PDE1A: variants seen among roughly 807,000 people sequenced by gnomAD.
PDE1A encodes dual specificity calcium/calmodulin-dependent 3',5'-cyclic nucleotide phosphodiesterase 1A.
Under a neutral mutation model 61.7 loss-of-function variants are expected in PDE1A, and 35 were observed. The observed-to-expected ratio is 0.57, with a 90% CI of 0.43 to 0.75. PDE1A has a LOEUF of 0.75. Among genes scored for constraint, PDE1A ranks in the 30% least tolerant of loss-of-function variants. The probability of loss-of-function intolerance (pLI) is 0.00; values close to 1 mark genes in which losing one functional copy is unlikely to be tolerated. For synonymous variants in PDE1A, 232 were observed against 213.2 expected (o/e 1.09, Z -0.77); for missense variants, 597 against 630.6 (o/e 0.95, Z 0.57).
downstream of PDE1A, among the ~76,000 whole-genome samples, chr2:182,163,083 C>G (rs1691474606): frequency 6.6e-6 from 1 of 152,088 alleles, no homozygotes; most frequent in African/African-American, 2.4e-5. Context: ...TCACCATGTC[C>G]CCATTCAACT....
chr2:182,483,791 T>C (rs963621963), intron 2 of PDE1A, among the ~76,000 whole-genome samples: 11 of 151,972 alleles, frequency 7.2e-5, no homozygotes, highest in African/African-American at 2.4e-4. Flanking sequence ...ATCAATTACA[T>C]AGATAACATA....
intron 2 of PDE1A, among the ~76,000 whole-genome samples, chr2:182,470,667 T>A (rs748068137): frequency 6.6e-6 from 1 of 151,836 alleles, no homozygotes; most frequent in South Asian, 2.1e-4. Flanking sequence ...TTTCTGTACA[T>A]TGAGATCTTA....
chr2:182,264,352 T>C, exon 2 of PDE1A: 1 of 1,613,782 alleles, frequency 6.2e-7, no homozygotes, highest in Non-Finnish European at 8.5e-7. Flanking sequence ...ATATTCAATA[T>C]TCTTCTTTAA....
At chr2:182,671,292 C>T in the PDE1A span, among the ~76,000 whole-genome samples, 2 of 147,784 alleles carry the variant, frequency 1.4e-5, no homozygotes, top group Non-Finnish European at 3.0e-5. Flanking sequence ...CTGCCTCAGC[C>T]TCCCGAGTAG....
At chr2:182,653,245 G>C in the PDE1A span, among the ~76,000 whole-genome samples, 1 of 152,120 alleles carries the variant, frequency 6.6e-6, no homozygotes, top group East Asian at 1.9e-4. Context: ...ATCCTGAGGT[G>C]GACCTCAGGA....
At chr2:182,527,597 C>G (rs1690797878), upstream of PDE1A, among the ~76,000 whole-genome samples, 1 of 151,014 alleles carries the variant, frequency 6.6e-6, no homozygotes, top group East Asian at 1.9e-4. Flanking sequence ...AGAAATTGCC[C>G]AAAATGTACA....
At chr2:182,468,132 T>C (rs1353231182) in intron 2 of PDE1A, among the ~76,000 whole-genome samples, 1 of 151,918 alleles carries the variant, frequency 6.6e-6, no homozygotes, top group Non-Finnish European at 1.5e-5. Flanking sequence ...GTTGTGGCAA[T>C]TTCATAAAAT....
chr2:182,571,176 T>G, the PDE1A span, among the ~76,000 whole-genome samples: 8 of 152,192 alleles, frequency 5.3e-5, no homozygotes, highest in African/African-American at 1.9e-4. Flanking sequence ...AGAAGAATGG[T>G]AAGAGCTATT....
At chr2:182,370,406 T>A (rs1341395746) in intron 1 of PDE1A, among the ~76,000 whole-genome samples, 4 of 152,134 alleles carry the variant, frequency 2.6e-5, no homozygotes. Context: ...TGTAAAGATT[T>A]CAGACAGTTG....
chr2:182,635,947 A>ATTTTTTT, the PDE1A span, among the ~76,000 whole-genome samples: 1 of 55,272 alleles, frequency 1.8e-5, no homozygotes, highest in African/African-American at 6.8e-5. Context: ...TCTCACCGGT[A>ATTTTTTT]TTTTTTTTTT....
intron 1 of PDE1A, among the ~76,000 whole-genome samples, chr2:182,381,982 A>C (rs1460055407): frequency 1.3e-5 from 2 of 152,014 alleles, no homozygotes; most frequent in Admixed American, 1.3e-4. Context: ...CATTTCTGTA[A>C]CAATTATTAT....
At chr2:182,450,619 T>G (rs990072563) in intron 2 of PDE1A, among the ~76,000 whole-genome samples, 3 of 151,908 alleles carry the variant, frequency 2.0e-5, no homozygotes, top group African/African-American at 7.2e-5. Flanking sequence ...AAATAAAGAC[T>G]GGTTAAGATC....
intron 2 of PDE1A, among the ~76,000 whole-genome samples, chr2:182,521,139 C>T (rs1198336392): frequency 6.6e-6 from 1 of 151,860 alleles, no homozygotes. Flanking sequence ...TTTAAATACA[C>T]AAACATCATT....
the PDE1A span, among the ~76,000 whole-genome samples, chr2:182,649,973 G>A: frequency 1.3e-5 from 2 of 152,066 alleles, no homozygotes; most frequent in Non-Finnish European, 2.9e-5. Context: ...CAGCTACTCG[G>A]AAGGTTGAGA....
intron 1 of PDE1A, among the ~76,000 whole-genome samples, chr2:182,379,317 TCTCA>T (rs1211242947): frequency 6.6e-6 from 1 of 152,254 alleles, no homozygotes; most frequent in African/African-American, 2.4e-5. Flanking sequence ...TGCAATTCCT[TCTCA>T]CTCTCTCTTC....
chr2:182,414,963 A>C (rs1702827018), intron 1 of PDE1A, among the ~76,000 whole-genome samples: 9 of 152,180 alleles, frequency 5.9e-5, no homozygotes. Flanking sequence ...ATTTGGTACA[A>C]CTGTTCAGCT....
intron 2 of PDE1A, among the ~76,000 whole-genome samples, chr2:182,435,078 C>T (rs2125651111): frequency 6.6e-6 from 1 of 152,038 alleles, no homozygotes; most frequent in South Asian, 2.1e-4. Flanking sequence ...GCACTCCCAC[C>T]ACTTCTCACA....
At chr2:182,355,573 A>G (rs957114511) in intron 1 of PDE1A, among the ~76,000 whole-genome samples, 6 of 152,080 alleles carry the variant, frequency 3.9e-5, no homozygotes, top group African/African-American at 1.2e-4. Context: ...AGCTATTATT[A>G]CAGCCAGAGT....
the PDE1A span, among the ~76,000 whole-genome samples, chr2:182,537,193 G>C: frequency 6.6e-6 from 1 of 152,180 alleles, no homozygotes; most frequent in African/African-American, 2.4e-5. Flanking sequence ...CAGAGTAAAG[G>C]AATATTGAGG....
Sources: gnomAD v4.1 joint callset for allele counts (sites outside exome capture counted in the v4.1 genomes callset) on GRCh38, gnomAD v4.1.1 for gene constraint, MANE v1.5 for transcripts, NCBI Gene and HGNC (gene_info 2026-07-23, HGNC 2026-07-21) for gene names.